The following STK33 variants were observed in gnomAD, a reference collection of about 807,000 sequenced individuals.
STK33 encodes the protein serine/threonine kinase 33.
In STK33, 52 loss-of-function variants were observed where a neutral mutation model predicts 58.0. That is an observed-to-expected ratio of 0.90 (90% CI 0.72 to 1.13). The LOEUF (loss-of-function observed/expected upper bound fraction) is 1.13, where lower values mean the gene tolerates loss of function less well. Among genes scored for constraint, STK33 ranks in the 50% most tolerant of loss-of-function variants. STK33 has a pLI of 0.00. For synonymous variants in STK33, 215 were observed against 200.1 expected (o/e 1.07, Z -0.63); for missense variants, 630 against 604.2 (o/e 1.04, Z -0.45).
At chr11:8,357,358 T>C in the STK33 span, among the ~76,000 whole-genome samples, 1 of 151,988 alleles carries the variant, frequency 6.6e-6, no homozygotes, top group African/African-American at 2.4e-5. Context: ...GGCCCAGGAG[T>C]GCGAGCTGTC....
At chr11:8,397,580 T>C (rs1397690383) in intron 15 of STK33, among the ~76,000 whole-genome samples, 2 of 152,168 alleles carry the variant, frequency 1.3e-5, no homozygotes, top group Non-Finnish European at 2.9e-5. Flanking sequence ...GGAATACAGC[T>C]TCTCACCAGC....
rs1949712399 is a variant in STK33, at chr11:8,480,540, G to A, written c.-391C>T. 6.6e-6 allele frequency: 1 copy of A among 152,328 alleles called. No individual in the cohort carries two copies. Among genetic ancestry groups the A allele is most frequent in the Non-Finnish European group, 1.5e-5 (1 of 68,112 alleles). 9.4% of individuals were successfully genotyped at this position (152,328 alleles called of 1,614,324 possible). On this transcript the variant is annotated 5_prime_UTR_variant, in exon 2 of 16. Coordinates refer to ENST00000687296, the MANE Select transcript of STK33 (RefSeq NM_001352389.2). ...CAGCATTATTGGAATTTACCCTGGA[G>A]TGGGGAGGGGCGTAGTGAGATGCAG...
At position 8,567,888 on chromosome 11, in the gene STK33, T is replaced by TATTACAAG. The variant is rs1282479964; in HGVS notation, c.-466+26187_-466+26194dup. Among the ~76,000 whole-genome samples, 3 of 152,318 alleles carry TATTACAAG rather than the reference T, an allele frequency of 2.0e-5. No homozygotes were observed. In the East Asian group the frequency reaches 5.8e-4, roughly 29 times the overall value. On this transcript the variant is annotated intron_variant, in intron 1 of 15. Coordinates refer to ENST00000687296, the MANE Select transcript of STK33 (RefSeq NM_001352389.2). ...ATAATTAACTTATTCTTTGGGCTTA[T>TATTACAAG]ATTACAAGATTCTGAACTTTTAAAA...
chr11:8,575,473 G>A (rs1958114059), intron 1 of STK33, among the ~76,000 whole-genome samples: 1 of 152,114 alleles, frequency 6.6e-6, no homozygotes, highest in Middle Eastern at 3.2e-3. Context: ...AAAACACTAT[G>A]CTCAATGAAA....
chr11:8,579,397 G>A (rs1172582812), intron 1 of STK33, among the ~76,000 whole-genome samples: 2 of 151,888 alleles, frequency 1.3e-5, no homozygotes, highest in African/African-American at 4.8e-5. Context: ...AAATACTTTA[G>A]TTCAATTCCT....
In STK33 at chr11:8,452,842, C is replaced by T; in HGVS notation, c.851G>A (p.Cys284Tyr). 2.5e-6 allele frequency: 4 copies of T among 1,614,106 alleles called. No homozygotes were observed. Among genetic ancestry groups the T allele is most frequent in the Non-Finnish European group, 2.5e-6 (3 of 1,179,968 alleles). ...SRSEAMLQAT[C>Y]GTPIYMAPEV... is the part of the protein sequence containing the mutation. ...CTTACCCATATAGATAGGAGTCCCA[C>T]ATGTGGCCTGCAGCATGGCTTCACT... Residue 284 changes from cysteine (C) to tyrosine (Y), a missense_variant, in exon 11 of 16, where the codon TGT becomes TAT. By Grantham distance (194) the Cys-to-Tyr change is radical. Coordinates refer to ENST00000687296, the MANE Select transcript of STK33 (RefSeq NM_001352389.2).
chr11:8,440,507 C>CA (rs1944601857), intron 12 of STK33, among the ~76,000 whole-genome samples, 171 bp downstream of exon 12: 1 of 152,158 alleles, frequency 6.6e-6, no homozygotes, highest in African/African-American at 2.4e-5. Flanking sequence ...AAAAATACCT[C>CA]AGGGATGTAT....
chr11:8,512,899 T>C (rs1952455097), intron 1 of STK33, among the ~76,000 whole-genome samples: 1 of 152,194 alleles, frequency 6.6e-6, no homozygotes, highest in African/African-American at 2.4e-5. Context: ...TCCCATTATA[T>C]TTAGCATATT....
intron 1 of STK33, among the ~76,000 whole-genome samples, chr11:8,547,808 T>C (rs1388236946): frequency 6.6e-6 from 1 of 151,510 alleles, no homozygotes; most frequent in African/African-American, 2.4e-5. Context: ...GACCCACATA[T>C]ACACTATGGA....
chr11:8,460,547 C>T (rs974235001), intron 8 of STK33, among the ~76,000 whole-genome samples: 6 of 152,030 alleles, frequency 3.9e-5, no homozygotes, highest in Non-Finnish European at 8.8e-5. Flanking sequence ...CATCAGTGAA[C>T]TGTGGACAAT....
chr11:8,396,802 A>AC (rs1392867424), intron 15 of STK33, among the ~76,000 whole-genome samples: 1 of 152,208 alleles, frequency 6.6e-6, no homozygotes, highest in Non-Finnish European at 1.5e-5. Context: ...CAAACAGCAC[A>AC]CCAGGAGATT....
intron 11 of STK33, among the ~76,000 whole-genome samples, chr11:8,446,396 A>G (rs1358596976): frequency 6.6e-6 from 1 of 151,978 alleles, no homozygotes; most frequent in African/African-American, 2.4e-5. Context: ...CTCTGATCTT[A>G]GTTATTTCTT....
chr11:8,592,613 GTTTT>G (rs113025958), intron 1 of STK33, among the ~76,000 whole-genome samples: 1 of 151,980 alleles, frequency 6.6e-6, no homozygotes, highest in Non-Finnish European at 1.5e-5. Flanking sequence ...TTTGGGAACT[GTTTT>G]TTTATTTTTT....
At chr11:8,374,349 G>A in the STK33 span, among the ~76,000 whole-genome samples, 1 of 152,210 alleles carries the variant, frequency 6.6e-6, no homozygotes, top group Non-Finnish European at 1.5e-5. Context: ...ATTTTCATCT[G>A]CTCGAGCTAC....
At chr11:8,422,392 T>C (rs183328068) in intron 14 of STK33, among the ~76,000 whole-genome samples, 11 of 152,308 alleles carry the variant, frequency 7.2e-5, no homozygotes, top group East Asian at 1.9e-4. Flanking sequence ...ATATCTATAT[T>C]AGTAAGTGAA....
chr11:8,399,658 C>CA (rs1186938104), intron 15 of STK33, among the ~76,000 whole-genome samples: 2 of 152,014 alleles, frequency 1.3e-5, no homozygotes, highest in African/African-American at 2.4e-5. Flanking sequence ...AAAAACCCTT[C>CA]AAAAAATCAA....
At chr11:8,448,733 CA>C (rs1355617137) in intron 11 of STK33, among the ~76,000 whole-genome samples, 1 of 152,102 alleles carries the variant, frequency 6.6e-6, no homozygotes, top group Non-Finnish European at 1.5e-5. Context: ...GCAAGGACTT[CA>C]TGTCTAAAAC....
intron 8 of STK33, among the ~76,000 whole-genome samples, chr11:8,460,689 CA>C (rs200280443): frequency 4.1e-5 from 6 of 147,236 alleles, no homozygotes; most frequent in Non-Finnish European, 7.5e-5. Context: ...ACCCCGAACA[CA>C]AAAAAAAACA....
At chr11:8,440,309 G>A (rs555188561) in intron 12 of STK33, among the ~76,000 whole-genome samples, 6 of 152,050 alleles carry the variant, frequency 3.9e-5, no homozygotes, top group Non-Finnish European at 8.8e-5. Flanking sequence ...GGTAGAACAA[G>A]TGCCAGGCCA....
Sources: gnomAD v4.1 joint callset for allele counts (sites outside exome capture counted in the v4.1 genomes callset) on GRCh38, gnomAD v4.1.1 for gene constraint, MANE v1.5 for transcripts, NCBI Gene and HGNC (gene_info 2026-07-23, HGNC 2026-07-21) for gene names.